MDFIC: variants seen among roughly 807,000 people sequenced by gnomAD.
The protein encoded by MDFIC is myoD family inhibitor domain-containing protein.
Under a neutral mutation model 23.2 loss-of-function variants are expected in MDFIC, and 17 were observed. The ratio of observed to expected loss-of-function variants is 0.73; its 90% CI spans 0.50 to 1.10. MDFIC has a LOEUF of 1.10. Ranked by LOEUF, MDFIC falls within the 50% of genes least tolerant of loss-of-function variation. MDFIC has a pLI of 0.00. For synonymous variants in MDFIC, 120 were observed against 115.2 expected (o/e 1.04, Z -0.27); for missense variants, 356 against 316.6 (o/e 1.12, Z -0.95).
intron 2 of MDFIC, chr7:114,923,614 T>A (rs1792135284): frequency 6.8e-7 from 1 of 1,467,728 alleles, no homozygotes; most frequent in Admixed American, 2.6e-5. Flanking sequence ...TTGTTTTCAA[T>A]AACTGGTTTG....
intron 4 of MDFIC, among the ~76,000 whole-genome samples, chr7:115,010,069 G>T (rs1055502719): frequency 3.9e-5 from 6 of 152,054 alleles, no homozygotes; most frequent in Admixed American, 2.6e-4. Flanking sequence ...GAAATCTTAA[G>T]AACAGGGGAA....
intron 3 of MDFIC, among the ~76,000 whole-genome samples, chr7:114,979,135 C>T (rs1165096877): frequency 1.3e-5 from 2 of 152,090 alleles, no homozygotes; most frequent in Non-Finnish European, 1.5e-5. Context: ...TGAGATAACA[C>T]TGTTGTGTCT....
chr7:114,971,658 A>C (rs1448835887), intron 3 of MDFIC, among the ~76,000 whole-genome samples: 2 of 152,218 alleles, frequency 1.3e-5, no homozygotes, highest in Non-Finnish European at 2.9e-5. Flanking sequence ...TAGCTTTTGT[A>C]CATCATAATT....
At chr7:114,998,832 G>A (rs73445441) in intron 4 of MDFIC, among the ~76,000 whole-genome samples, 2,780 of 152,050 alleles carry the variant, frequency 0.018, 82 homozygotes, top group African/African-American at 0.062. Context: ...AATTAATTTC[G>A]GACATTAAGT....
At chr7:114,976,337 C>T (rs760168756) in intron 3 of MDFIC, among the ~76,000 whole-genome samples, 1 of 152,032 alleles carries the variant, frequency 6.6e-6, no homozygotes, top group Non-Finnish European at 1.5e-5. Flanking sequence ...AGTGGCTTTC[C>T]AGAGGAAAAA....
rs1453839036 is a variant in MDFIC, at chr7:114,979,770, C to G, written c.482C>G (p.Ser161Cys). The G allele has an allele frequency of 6.2e-7, 1 of 1,613,328 alleles. No homozygotes were observed. Among genetic ancestry groups the G allele is most frequent in the Admixed American group, 1.7e-5 (1 of 59,922 alleles). ...VNAVFSQKTG[S>C]SPEDCCVHCI... ...GCTGTCTTTTCCCAAAAGACAGGCT[C>G]TTCACCTGAAGGTAAGTTTGAGATA... Residue 161 changes from serine to cysteine, a missense_variant, in exon 4 of 5, where the codon TCT becomes TGT. Transcript: ENST00000393486.
intron 3 of MDFIC, among the ~76,000 whole-genome samples, chr7:114,974,345 G>C (rs999163846): frequency 6.6e-6 from 1 of 151,618 alleles, no homozygotes; most frequent in African/African-American, 2.4e-5. Flanking sequence ...TTGTCCCATT[G>C]TGACCATGGA....
At chr7:114,935,669 G>A (rs1010884315) in intron 2 of MDFIC, among the ~76,000 whole-genome samples, 3 of 151,894 alleles carry the variant, frequency 2.0e-5, no homozygotes, top group South Asian at 2.1e-4. Context: ...ACCCAAGTCC[G>A]GGGAAATCAG....
At chr7:114,991,346 T>C (rs1791155144) in intron 4 of MDFIC, among the ~76,000 whole-genome samples, 1 of 152,172 alleles carries the variant, frequency 6.6e-6, no homozygotes, top group African/African-American at 2.4e-5. Flanking sequence ...AGAAGCTCTT[T>C]AGTTTAATTA....
chr7:114,960,040 C>T (rs1020385597), intron 3 of MDFIC, among the ~76,000 whole-genome samples: 5 of 151,858 alleles, frequency 3.3e-5, no homozygotes, highest in Non-Finnish European at 5.9e-5. Context: ...CTCTGTGATT[C>T]GGATACTAAT....
intron 2 of MDFIC, among the ~76,000 whole-genome samples, chr7:114,931,309 A>C (rs796375325): frequency 7.2e-5 from 11 of 152,330 alleles, no homozygotes; most frequent in African/African-American, 2.6e-4. Flanking sequence ...TTTTACTTAC[A>C]GTCTACTTCT....
chr7:114,986,988 ATTACT>A (rs1439258990), intron 4 of MDFIC, among the ~76,000 whole-genome samples: 1 of 152,178 alleles, frequency 6.6e-6, no homozygotes, highest in Admixed American at 6.5e-5. Flanking sequence ...CTTGTTCTTT[ATTACT>A]CCATAGACAT....
At chr7:114,968,741 GTCC>G (rs1437664481) in intron 3 of MDFIC, among the ~76,000 whole-genome samples, 2 of 152,156 alleles carry the variant, frequency 1.3e-5, no homozygotes, top group Non-Finnish European at 2.9e-5. Flanking sequence ...ATTTATGGAA[GTCC>G]TCCTAGTAAC....
chr7:114,944,250 G>T (rs1361833150), intron 3 of MDFIC, among the ~76,000 whole-genome samples: 1 of 152,140 alleles, frequency 6.6e-6, no homozygotes, highest in Admixed American at 6.6e-5. Flanking sequence ...CACCCCCTCT[G>T]AAAGGGCTGC....
intron 3 of MDFIC, among the ~76,000 whole-genome samples, chr7:114,969,488 T>C (rs971835122): frequency 1.3e-5 from 2 of 152,192 alleles, no homozygotes; most frequent in African/African-American, 4.8e-5. Context: ...AGGAACTCTA[T>C]ATAATAATCA....
intron 2 of MDFIC, among the ~76,000 whole-genome samples, chr7:114,941,815 G>A (rs1174222793): frequency 1.3e-5 from 2 of 152,122 alleles, no homozygotes; most frequent in African/African-American, 2.4e-5. Context: ...AGAGAATGCT[G>A]TACTTGTTTT....
At chr7:114,954,051 G>T (rs1792835028) in intron 3 of MDFIC, among the ~76,000 whole-genome samples, 1 of 152,176 alleles carries the variant, frequency 6.6e-6, no homozygotes, top group Non-Finnish European at 1.5e-5. Flanking sequence ...CCCAGTCTCA[G>T]ACTGATGTAG....
chr7:114,948,345 A>C, intron 3 of MDFIC, among the ~76,000 whole-genome samples: 1 of 152,198 alleles, frequency 6.6e-6, no homozygotes, highest in East Asian at 1.9e-4. Context: ...GTTTACTGAT[A>C]AGGCTACTTT....
intron 2 of MDFIC, among the ~76,000 whole-genome samples, chr7:114,941,012 C>T (rs143451619): frequency 2.4e-4 from 37 of 152,286 alleles, no homozygotes; most frequent in Non-Finnish European, 3.8e-4. Flanking sequence ...TATTCTCCCT[C>T]TTAGATGTAT....
Sources: allele counts gnomAD v4.1 joint callset (sites outside exome capture counted in the v4.1 genomes callset), GRCh38; gene constraint gnomAD v4.1.1; transcripts MANE v1.5; gene names NCBI Gene and HGNC (gene_info 2026-07-23, HGNC 2026-07-21).